PRKN: variants seen among roughly 807,000 people sequenced by gnomAD.
The protein encoded by PRKN is E3 ubiquitin-protein ligase parkin.
PRKN carries 56 observed loss-of-function variants against 59.5 expected under a neutral mutation model. The ratio of observed to expected loss-of-function variants is 0.94; its 90% CI spans 0.76 to 1.18. The LOEUF (loss-of-function observed/expected upper bound fraction) is 1.18. PRKN is among the 50% of genes most tolerant of loss of function. The pLI, the probability that PRKN is intolerant of heterozygous loss-of-function variation, is 0.00. For synonymous variants in PRKN, 250 were observed against 222.1 expected, an observed-to-expected ratio of 1.13 and a Z score of -1.12; for missense variants, 657 against 596.4, an observed-to-expected ratio of 1.10 and a Z score of -1.06.
At chr6:161,489,662 C>G (rs1225789030) in intron 9 of PRKN, among the ~76,000 whole-genome samples, 1 of 151,254 alleles carries the variant, frequency 6.6e-6, no homozygotes, top group East Asian at 1.9e-4. Context: ...TTTTTTTAAC[C>G]TACTAGGGAT....
At chr6:161,852,212 G>A (rs1271868817) in intron 6 of PRKN, among the ~76,000 whole-genome samples, 1 of 152,074 alleles carries the variant, frequency 6.6e-6, no homozygotes, top group Non-Finnish European at 1.5e-5. Context: ...ATGGGAGGCT[G>A]AGATGGGAGG....
intron 1 of PRKN, among the ~76,000 whole-genome samples, chr6:162,515,272 G>A (rs939509457): frequency 5.3e-5 from 8 of 151,944 alleles, no homozygotes; most frequent in Non-Finnish European, 7.4e-5. Flanking sequence ...TAGTAGAAAC[G>A]GGATTTCACC....
intron 4 of PRKN, among the ~76,000 whole-genome samples, chr6:162,157,238 C>G (rs1330037997): frequency 6.6e-6 from 1 of 151,916 alleles, no homozygotes; most frequent in African/African-American, 2.4e-5. Flanking sequence ...GCTCCAGCTC[C>G]AAGAACCCTT....
intron 2 of PRKN, among the ~76,000 whole-genome samples, chr6:162,422,954 C>CAAAAAAAA (rs61557917): frequency 1.1e-3 from 74 of 65,654 alleles, no homozygotes; most frequent in Non-Finnish European, 1.2e-3. Flanking sequence ...TCCAAGAGAC[C>CAAAAAAAA]AAAAAAAAAA....
intron 7 of PRKN, among the ~76,000 whole-genome samples, chr6:161,623,783 C>T: frequency 6.6e-6 from 1 of 152,146 alleles, no homozygotes. Context: ...AGAATGAAGA[C>T]ATAAGTAAAA....
At chr6:161,495,621 C>A (rs1457971170) in intron 9 of PRKN, among the ~76,000 whole-genome samples, 1 of 152,242 alleles carries the variant, frequency 6.6e-6, no homozygotes, top group Non-Finnish European at 1.5e-5. Context: ...TCACCTTCAA[C>A]CACCTGAGCA....
intron 1 of PRKN, among the ~76,000 whole-genome samples, chr6:162,724,641 C>G (rs1243714833): frequency 6.6e-6 from 1 of 152,048 alleles, no homozygotes; most frequent in Non-Finnish European, 1.5e-5. Context: ...CTAACTTGTT[C>G]CAGAAGCAGC....
At chr6:161,660,446 A>AC (rs1297649475) in intron 7 of PRKN, among the ~76,000 whole-genome samples, 2 of 151,960 alleles carry the variant, frequency 1.3e-5, no homozygotes, top group Admixed American at 6.5e-5. Flanking sequence ...AAAGGAAAAA[A>AC]CAGGGATGGA....
chr6:162,645,827 G>A (rs2128225469), intron 1 of PRKN, among the ~76,000 whole-genome samples: 1 of 150,698 alleles, frequency 6.6e-6, no homozygotes, highest in East Asian at 2.0e-4. Context: ...AGAATGAAAG[G>A]AGACAAATTC....
chr6:161,686,518 T>G (rs1273384834), intron 7 of PRKN, among the ~76,000 whole-genome samples: 1 of 152,196 alleles, frequency 6.6e-6, no homozygotes, highest in East Asian at 1.9e-4. Context: ...AGAAAAAATA[T>G]TATTAAGTTT....
chr6:162,675,336 A>G (rs1779501228), intron 1 of PRKN, among the ~76,000 whole-genome samples: 1 of 152,006 alleles, frequency 6.6e-6, no homozygotes, highest in Admixed American at 6.6e-5. Flanking sequence ...GGCATAAACC[A>G]CCACACCCAG....
At position 161,562,148 on chromosome 6, in the gene PRKN, C is replaced by A. The variant is rs139654315; in HGVS notation, c.933+7207G>T. Among the ~76,000 whole-genome samples the A allele has an allele frequency of 2.1e-3, 315 of 152,262 alleles. No individual in the cohort carries two copies. The highest frequency in any genetic ancestry group is 7.4e-3 in the African/African-American group (307 of 41,564). Reference sequence around the variant, plus strand: ...AATCAGCATTCCTCCTCTGGAAGCCCCGCCTTCTTGGCTTCCCCAACACCA... The same window carrying A: ...AATCAGCATTCCTCCTCTGGAAGCCACGCCTTCTTGGCTTCCCCAACACCA... On this transcript the variant is annotated intron_variant, in intron 8 of 11. Transcript: ENST00000366898. This position sits in a 1 kb window ranked among gnomAD's most constrained non-coding sequence, Gnocchi z 4.3.
chr6:162,045,164 C>T (rs1215826613), intron 5 of PRKN, among the ~76,000 whole-genome samples: 1 of 152,180 alleles, frequency 6.6e-6, no homozygotes, highest in Non-Finnish European at 1.5e-5. Context: ...GGCTAGATTC[C>T]TACATCCTGA....
At chr6:162,692,554 C>T (rs115197785) in intron 1 of PRKN, among the ~76,000 whole-genome samples, 2,275 of 128,194 alleles carry the variant, frequency 0.018, 62 homozygotes, top group African/African-American at 0.065. Flanking sequence ...GTAGGTGTTC[C>T]ACACCTACAA....
At chr6:162,632,423 T>C (rs1783145816) in intron 1 of PRKN, among the ~76,000 whole-genome samples, 1 of 152,096 alleles carries the variant, frequency 6.6e-6, no homozygotes, top group Admixed American at 6.6e-5. Context: ...AAAGAAATAC[T>C]GCACGTTTCA....
In PRKN at chr6:161,400,452, T is replaced by G. The variant is rs1314369053; in HGVS notation, c.1084-13575A>C. On this transcript the variant is annotated intron_variant, in intron 9 of 11. Coordinates refer to ENST00000366898, the MANE Select transcript of PRKN (RefSeq NM_004562.3). The surrounding 1 kb of genome is among the most constrained non-coding windows in gnomAD (Gnocchi z 4.2). ...CCTCCCAAGTAGCTGGAATTACAGG[T>G]GTGTGCCACCACGCCCAGCTAATTT... Among the ~76,000 whole-genome samples the G allele has an allele frequency of 6.6e-6, 1 of 151,830 alleles. No homozygotes were observed. The highest frequency in any genetic ancestry group is 1.9e-4 in the East Asian group (1 of 5,168).
chr6:161,906,124 T>A (rs1418328315), intron 6 of PRKN, among the ~76,000 whole-genome samples: 1 of 152,182 alleles, frequency 6.6e-6, no homozygotes, highest in Non-Finnish European at 1.5e-5. Context: ...TGGGCCAGTA[T>A]GCTCAGCCTG....
In PRKN at chr6:161,547,441, T is replaced by A. The variant is rs1779836578; in HGVS notation, c.1083+1413A>T. Reference sequence around the variant, plus strand: ...AGATAAAGATATTCAAGATTTCACATTACATAAACCCTTCAACATTCTTAA... The same window carrying A: ...AGATAAAGATATTCAAGATTTCACAATACATAAACCCTTCAACATTCTTAA... On this transcript the variant is annotated intron_variant, in intron 9 of 11. Coordinates refer to ENST00000366898, the MANE Select transcript of PRKN (RefSeq NM_004562.3). This position sits in a 1 kb window ranked among gnomAD's most constrained non-coding sequence, Gnocchi z 4.0. 6.6e-6 allele frequency among the ~76,000 whole-genome samples: 1 copy of A among 152,210 alleles called. No homozygotes were observed. The highest frequency in any genetic ancestry group is 1.5e-5 in the Non-Finnish European group (1 of 68,042).
chr6:162,112,176 C>A (rs1780467093), intron 4 of PRKN, among the ~76,000 whole-genome samples: 3 of 152,162 alleles, frequency 2.0e-5, no homozygotes, highest in African/African-American at 7.2e-5. Context: ...ATCTTTGCAA[C>A]CTTCAAACAA....
Sources: allele counts gnomAD v4.1 joint callset (sites outside exome capture counted in the v4.1 genomes callset), GRCh38; gene constraint gnomAD v4.1.1; non-coding constraint Gnocchi (gnomAD v3.1); transcripts MANE v1.5; gene names NCBI Gene and HGNC (gene_info 2026-07-23, HGNC 2026-07-21).